The following BRAP variants were observed in gnomAD, a reference collection of about 807,000 sequenced individuals.
BRAP encodes BRCA1 associated protein.
A neutral mutation model predicts 73.4 loss-of-function variants in BRAP; 42 were observed. The ratio of observed to expected loss-of-function variants is 0.57; its 90% CI spans 0.45 to 0.74. BRAP has a LOEUF of 0.74. BRAP is among the 30% of genes least tolerant of loss of function. BRAP has a pLI of 0.00. For missense variants in BRAP, 593 were observed against 751.4 expected, an observed-to-expected ratio of 0.79 and a Z score of 2.46; for synonymous variants, 255 against 267.4, an observed-to-expected ratio of 0.95 and a Z score of 0.45.
intron 3 of BRAP, among the ~76,000 whole-genome samples, chr12:111,680,264 C>T (rs1003625873): frequency 4.0e-5 from 6 of 151,792 alleles, no homozygotes; most frequent in African/African-American, 1.5e-4. Context: ...AGAGAGAATT[C>T]TAAACCATGA....
rs1419019355 is a variant in BRAP at position 111,644,108 on chromosome 12, T to C, written c.*91A>G. 6 of 1,506,342 alleles carry C rather than the reference T, an allele frequency of 4.0e-6. No homozygotes were observed. The highest frequency in any genetic ancestry group is 5.3e-6 in the Non-Finnish European group (6 of 1,130,154). 93.3% of individuals were successfully genotyped at this position (1,506,342 alleles called of 1,614,324 possible). ...GTGGCTTGATCCTCACTTGTACTTATTAGGGCCCACCCTCACATTTAGCTG... is the reference window on the plus strand; with the variant it reads ...GTGGCTTGATCCTCACTTGTACTTACTAGGGCCCACCCTCACATTTAGCTG... On this transcript the variant is annotated 3_prime_UTR_variant, in exon 12 of 12. Coordinates refer to ENST00000419234, the MANE Select transcript of BRAP (RefSeq NM_006768.5).
intron 4 of BRAP, among the ~76,000 whole-genome samples, chr12:111,675,563 A>C (rs1433882496): frequency 6.6e-6 from 1 of 150,400 alleles, no homozygotes; most frequent in Non-Finnish European, 1.5e-5. Flanking sequence ...TTCCTACTTC[A>C]ACTCACCATC....
intron 5 of BRAP, among the ~76,000 whole-genome samples, chr12:111,672,129 GGA>G (rs1215616002): frequency 2.0e-5 from 3 of 152,086 alleles, no homozygotes; most frequent in African/African-American, 7.2e-5. Flanking sequence ...TGCTTGAACT[GGA>G]GAGACAGAGG....
At chr12:111,654,960 T>C (rs1411428443) in intron 10 of BRAP, among the ~76,000 whole-genome samples, 1 of 152,178 alleles carries the variant, frequency 6.6e-6, no homozygotes, top group African/African-American at 2.4e-5. Context: ...ACTACCTTCT[T>C]TGGAAGTCAC....
intron 11 of BRAP, among the ~76,000 whole-genome samples, chr12:111,647,634 G>A (rs1338410960): frequency 3.3e-5 from 5 of 152,112 alleles, no homozygotes; most frequent in Non-Finnish European, 5.9e-5. Context: ...GGCCAAGCAC[G>A]GTGGCTCACG....
intron 5 of BRAP, chr12:111,670,025 T>A: frequency 3.1e-6 from 2 of 637,228 alleles, no homozygotes; most frequent in Non-Finnish European, 6.0e-6. Flanking sequence ...TTTCCTCTGG[T>A]TCACTATCTT....
intron 5 of BRAP, among the ~76,000 whole-genome samples, chr12:111,666,766 C>G (rs1420877149): frequency 1.3e-5 from 2 of 152,166 alleles, no homozygotes; most frequent in East Asian, 3.9e-4. Context: ...GGAGCACACA[C>G]TTATGGACAG....
chr12:111,674,885 T>C (rs1203868782), intron 4 of BRAP, among the ~76,000 whole-genome samples: 1 of 152,136 alleles, frequency 6.6e-6, no homozygotes, highest in Non-Finnish European at 1.5e-5. Flanking sequence ...AGTCAGGGCC[T>C]TCTCTCACCT....
chr12:111,655,499 C>T (rs1267746610), intron 10 of BRAP, 67 bp downstream of exon 10: 4 of 1,305,462 alleles, frequency 3.1e-6, no homozygotes, highest in Non-Finnish European at 4.4e-6. Flanking sequence ...ACTCTGCCTT[C>T]CACACCCCCC....
chr12:111,664,627 G>A (rs1003120440), intron 6 of BRAP, among the ~76,000 whole-genome samples: 3 of 152,192 alleles, frequency 2.0e-5, no homozygotes, highest in Non-Finnish European at 4.4e-5. Context: ...TGTGTGCCAC[G>A]TCCCCCACCA....
Position 111,655,555 on chromosome 12 carries a change from A to G in BRAP, c.1311+11T>C. 2 of 1,606,912 alleles carry G rather than the reference A, an allele frequency of 1.2e-6. No individual in the cohort carries two copies. Among genetic ancestry groups the G allele is most frequent in the Non-Finnish European group, 1.7e-6 (2 of 1,173,526 alleles). ...GTCATTTCCGCAGTCACCCAAACCA[A>G]ACAGACTTACTTCCTCTGCTGTGTC... is the stretch of plus-strand genomic sequence containing the variant. On this transcript the variant is annotated intron_variant, in intron 10 of 11. Coordinates refer to ENST00000419234, the MANE Select transcript of BRAP (RefSeq NM_006768.5).
rs1566116980 is a variant in BRAP, at chr12:111,660,554, C to T, written c.972+46G>A. ...ATACCAGGCAGAAGAAAACTCATGA[C>T]AATTAAAGCTGCATTCTTTGTTCTT... On this transcript the variant is annotated intron_variant, in intron 7 of 11. Transcript: ENST00000419234. The T allele has an allele frequency of 6.6e-6, 10 of 1,517,452 alleles. No homozygotes were observed. The South Asian group carries it at 7.6e-5, about 11-fold the overall frequency. The allele number at this position is 1,517,452 out of a possible 1,614,324, so 94.0% of individuals were successfully genotyped here.
intron 1 of BRAP, among the ~76,000 whole-genome samples, chr12:111,684,877 C>T (rs866302021): frequency 3.3e-5 from 5 of 152,298 alleles, no homozygotes; most frequent in South Asian, 4.1e-4. Flanking sequence ...CCATGTTGGC[C>T]AGGCTGGTCT....
chr12:111,683,660 C>T (rs1355849288), intron 1 of BRAP, among the ~76,000 whole-genome samples: 5 of 152,180 alleles, frequency 3.3e-5, no homozygotes, highest in African/African-American at 1.2e-4. Flanking sequence ...CCTGCCCCAG[C>T]CTCCCGAGTA....
In BRAP at chr12:111,655,650, T is replaced by A. The variant is rs773649681; in HGVS notation, c.1227A>T (p.Ser409=). ...EKIDALQLEY[S]YLLTSQLESQ... ...ATTCCAGCTGGCTTGTTAGTAAATA[T>A]GAATACTAGAAACATAGAGAATAAA... Residue 409 remains serine, a synonymous_variant, in exon 10 of 12, where the codon TCA becomes TCT. Coordinates refer to ENST00000419234, the MANE Select transcript of BRAP (RefSeq NM_006768.5). 37 of 1,608,178 alleles carry A rather than the reference T, an allele frequency of 2.3e-5. No homozygotes were observed. The highest frequency in any genetic ancestry group is 3.0e-5 in the Non-Finnish European group (35 of 1,174,784).
chr12:111,656,541 G>A (rs1202314963), intron 9 of BRAP, among the ~76,000 whole-genome samples: 1 of 152,120 alleles, frequency 6.6e-6, no homozygotes, highest in Non-Finnish European at 1.5e-5. Context: ...GAGTGGCAAG[G>A]TCACATCTCC....
intron 5 of BRAP, chr12:111,670,304 T>C: frequency 1.8e-6 from 1 of 565,484 alleles, no homozygotes; most frequent in South Asian, 1.4e-5. Flanking sequence ...TTTTTCTGCC[T>C]CTTCTTCAGG....
chr12:111,672,818 C>A lies in BRAP; in HGVS notation c.634-44G>T, dbSNP rs752958476. On this transcript the variant is annotated intron_variant, in intron 4 of 11. Transcript: ENST00000419234. Reference sequence around the variant, plus strand: ...AAAAGGAAAAAAATTAAGACAGATACCCTGAAAATCTGCTTTATATTCAAT... The same window carrying A: ...AAAAGGAAAAAAATTAAGACAGATAACCTGAAAATCTGCTTTATATTCAAT... The A allele has an allele frequency of 2.0e-6, 3 of 1,463,614 alleles. No individual in the cohort carries two copies. The East Asian group carries it at 6.8e-5, about 33-fold the overall frequency. 90.7% of individuals were successfully genotyped at this position (1,463,614 alleles called of 1,614,324 possible).
In BRAP at chr12:111,674,267, G is replaced by A. The variant is rs1358924314; in HGVS notation, c.634-1493C>T. 4.6e-5 allele frequency among the ~76,000 whole-genome samples: 7 copies of A among 151,044 alleles called. No homozygotes were observed. In the East Asian group the frequency reaches 1.4e-3, roughly 29 times the overall value. The stretch of plus-strand genomic sequence containing the variant: ...CCCCCCACCTTTTTTTTTTGAGATG[G>A]TGTCTCGCTTTGTCACCCAGGCTGG... On this transcript the variant is annotated intron_variant, in intron 4 of 11. Coordinates refer to ENST00000419234, the MANE Select transcript of BRAP (RefSeq NM_006768.5).
Sources: allele counts gnomAD v4.1 joint callset (sites outside exome capture counted in the v4.1 genomes callset), GRCh38; gene constraint gnomAD v4.1.1; transcripts MANE v1.5; gene names NCBI Gene and HGNC (gene_info 2026-07-23, HGNC 2026-07-21).